PRKCE: variants seen among roughly 807,000 people sequenced by gnomAD.
PRKCE encodes the protein protein kinase C epsilon type.
In PRKCE, 16 loss-of-function variants were observed where a neutral mutation model predicts 85.4. The observed-to-expected ratio is 0.19, with a 90% CI of 0.13 to 0.28. PRKCE has a LOEUF of 0.28. Ranked by LOEUF, PRKCE falls within the 10% of genes least tolerant of loss-of-function variation. The pLI is 1.00. For missense variants in PRKCE, 573 were observed against 975.2 expected (o/e 0.59, Z 5.49); for synonymous variants, 388 against 371.5 (o/e 1.04, Z -0.51).
intron 11 of PRKCE, among the ~76,000 whole-genome samples, chr2:46,113,648 G>C (rs1372928106): frequency 6.6e-6 from 1 of 152,222 alleles, no homozygotes; most frequent in Non-Finnish European, 1.5e-5. Flanking sequence ...TCTGCAGGTA[G>C]AGTTTGCAGT....
At chr2:45,875,574 G>A (rs4953280) in intron 2 of PRKCE, among the ~76,000 whole-genome samples, 46,739 of 152,152 alleles carry the variant, frequency 0.31, 8,219 homozygotes, top group East Asian at 0.55. Context: ...AAGGAGGCTT[G>A]TATAGAAGAG....
chr2:45,775,848 T>C (rs1205863258), intron 1 of PRKCE, among the ~76,000 whole-genome samples: 1 of 152,186 alleles, frequency 6.6e-6, no homozygotes, highest in Non-Finnish European at 1.5e-5. Flanking sequence ...CCCCTGCTTC[T>C]CCGGCCTCAT....
chr2:45,868,557 C>T (rs1300141854), intron 2 of PRKCE, among the ~76,000 whole-genome samples: 1 of 149,388 alleles, frequency 6.7e-6, no homozygotes, highest in Non-Finnish European at 1.5e-5. Flanking sequence ...CTCCTGACCT[C>T]AGGTGATCTG....
chr2:46,131,547 T>A (rs1674449617), intron 11 of PRKCE, among the ~76,000 whole-genome samples: 1 of 151,494 alleles, frequency 6.6e-6, no homozygotes, highest in African/African-American at 2.4e-5. Flanking sequence ...CCTGGTGGAG[T>A]GGGGAGGAAA....
chr2:46,102,683 A>C (rs779392367), intron 11 of PRKCE, among the ~76,000 whole-genome samples: 1 of 152,138 alleles, frequency 6.6e-6, no homozygotes, highest in Non-Finnish European at 1.5e-5. Context: ...TATGACCTTC[A>C]CTATTTGAGG....
chr2:45,716,518 C>CAAGAAAGAAAAAGA (rs1224990709), intron 1 of PRKCE, among the ~76,000 whole-genome samples: 4 of 139,254 alleles, frequency 2.9e-5, no homozygotes, highest in African/African-American at 8.1e-5. Flanking sequence ...AAGACTCTGT[C>CAAGAAAGAAAAAGA]AAGAAAGAAA....
chr2:45,910,292 G>T (rs749284942), intron 2 of PRKCE, among the ~76,000 whole-genome samples: 30 of 152,202 alleles, frequency 2.0e-4, no homozygotes, highest in Non-Finnish European at 4.3e-4. Flanking sequence ...GTGGCTGTGT[G>T]CAGAGTTCCA....
intron 11 of PRKCE, among the ~76,000 whole-genome samples, chr2:46,119,076 A>G (rs1338880934): frequency 1.3e-5 from 2 of 152,168 alleles, no homozygotes; most frequent in Non-Finnish European, 2.9e-5. Flanking sequence ...TGGAGTCAAC[A>G]CGATAAAATT....
At chr2:45,825,936 T>A (rs572123256) in intron 1 of PRKCE, among the ~76,000 whole-genome samples, 1 of 151,262 alleles carries the variant, frequency 6.6e-6, no homozygotes, top group East Asian at 2.0e-4. Flanking sequence ...GACGGGGGGA[T>A]GGGGGGATGA....
chr2:46,156,639 A>G (rs1031342808), intron 13 of PRKCE, among the ~76,000 whole-genome samples: 4 of 152,206 alleles, frequency 2.6e-5, no homozygotes, highest in African/African-American at 9.7e-5. Context: ...ACCTTCCTAC[A>G]GGAAAGCACT....
At chr2:45,842,694 C>T (rs1195237443) in intron 1 of PRKCE, among the ~76,000 whole-genome samples, 2 of 152,218 alleles carry the variant, frequency 1.3e-5, no homozygotes, top group African/African-American at 4.8e-5. Context: ...GGCCTCCACC[C>T]ACTAGCTGCC....
intron 1 of PRKCE, among the ~76,000 whole-genome samples, chr2:45,762,242 A>G (rs895746160): frequency 2.0e-5 from 3 of 152,216 alleles, no homozygotes; most frequent in Non-Finnish European, 4.4e-5. Context: ...GGCCACCAGG[A>G]TCAGTAAGCA....
chr2:46,006,341 A>G (rs1705199612), intron 8 of PRKCE, among the ~76,000 whole-genome samples: 1 of 152,226 alleles, frequency 6.6e-6, no homozygotes, highest in Non-Finnish European at 1.5e-5. Flanking sequence ...AAGCTAAGTG[A>G]TAGGTGGATA....
At chr2:45,657,272 G>A (rs1208379529) in intron 1 of PRKCE, among the ~76,000 whole-genome samples, 1 of 152,132 alleles carries the variant, frequency 6.6e-6, no homozygotes, top group Non-Finnish European at 1.5e-5. Flanking sequence ...CCGGAGCAGC[G>A]AAGTCTGGAG....
chr2:46,062,122 A>G (rs1191657269), intron 10 of PRKCE, among the ~76,000 whole-genome samples: 1 of 152,032 alleles, frequency 6.6e-6, no homozygotes, highest in Non-Finnish European at 1.5e-5. Flanking sequence ...TCAGCCTCCC[A>G]AAGTGCTGGG....
At chr2:45,790,964 C>T (rs938570122) in intron 1 of PRKCE, among the ~76,000 whole-genome samples, 2 of 152,058 alleles carry the variant, frequency 1.3e-5, no homozygotes, top group Non-Finnish European at 2.9e-5. Context: ...GCGTGTAGGC[C>T]TCCCACAGAG....
intron 1 of PRKCE, among the ~76,000 whole-genome samples, chr2:45,663,529 A>G (rs1271581062): frequency 6.6e-6 from 1 of 152,226 alleles, no homozygotes; most frequent in Non-Finnish European, 1.5e-5. Flanking sequence ...CACGCCTGTA[A>G]TCCCAGCACT....
intron 1 of PRKCE, among the ~76,000 whole-genome samples, chr2:45,708,505 T>C (rs1450181903): frequency 6.6e-6 from 1 of 152,218 alleles, no homozygotes; most frequent in Admixed American, 6.5e-5. Context: ...GGAGTTTCCC[T>C]GCACAAGCTC....
intron 2 of PRKCE, among the ~76,000 whole-genome samples, chr2:45,957,297 T>G (rs1475400906): frequency 1.3e-5 from 2 of 152,268 alleles, no homozygotes; most frequent in East Asian, 3.8e-4. Flanking sequence ...TTCATTTTTG[T>G]AGAAGATATG....
Sources: allele counts gnomAD v4.1 joint callset (sites outside exome capture counted in the v4.1 genomes callset), GRCh38; gene constraint gnomAD v4.1.1; transcripts MANE v1.5; gene names NCBI Gene and HGNC (gene_info 2026-07-23, HGNC 2026-07-21).